The following ENAH variants were observed in gnomAD, a reference collection of about 807,000 sequenced individuals.
ENAH encodes the protein ENAH actin regulator.
ENAH carries 23 observed loss-of-function variants against 78.7 expected under a neutral mutation model. That is an observed-to-expected ratio of 0.29 (90% CI 0.21 to 0.41). The LOEUF is 0.41. Ranked by LOEUF, ENAH falls within the 10% of genes least tolerant of loss-of-function variation. The pLI, the probability that ENAH is intolerant of heterozygous loss-of-function variation, is 1.00. For synonymous variants in ENAH, 226 were observed against 241.0 expected (o/e 0.94, Z 0.58); for missense variants, 544 against 691.0 (o/e 0.79, Z 2.39).
chr1:225,555,498 C>T (rs566301631), intron 2 of ENAH, among the ~76,000 whole-genome samples: 9 of 151,596 alleles, frequency 5.9e-5, no homozygotes, highest in East Asian at 5.8e-4. Context: ...AAGAAAATGG[C>T]GTGAATCCAG....
intron 1 of ENAH, among the ~76,000 whole-genome samples, chr1:225,593,389 C>G (rs1352416159): frequency 1.0e-4 from 2 of 20,040 alleles, no homozygotes; most frequent in Admixed American, 8.3e-4. Flanking sequence ...CAGCCTGCCC[C>G]TGTGTGTGTG....
intron 1 of ENAH, among the ~76,000 whole-genome samples, chr1:225,620,520 A>T (rs747622987): frequency 3.3e-5 from 5 of 151,946 alleles, no homozygotes; most frequent in Non-Finnish European, 5.9e-5. Context: ...ATAAGAGCAA[A>T]ACTGTCTCAA....
intron 1 of ENAH, among the ~76,000 whole-genome samples, chr1:225,619,589 T>C (rs1656432695): frequency 6.6e-6 from 1 of 152,094 alleles, no homozygotes; most frequent in Admixed American, 6.6e-5. Context: ...CCCACCTCCC[T>C]AGTCTTATTT....
At chr1:225,633,739 A>T (rs1336597571) in intron 1 of ENAH, among the ~76,000 whole-genome samples, 1 of 152,180 alleles carries the variant, frequency 6.6e-6, no homozygotes, top group African/African-American at 2.4e-5. Flanking sequence ...TCAACAAATA[A>T]TATCTATTAA....
At chr1:225,535,437 A>G in intron 3 of ENAH, 1 of 1,054,228 alleles carries the variant, frequency 9.5e-7, no homozygotes, top group Non-Finnish European at 1.3e-6. Flanking sequence ...TAAGAAAACA[A>G]AAGTTATGGA....
chr1:225,540,696 T>TA (rs34233856), intron 3 of ENAH, among the ~76,000 whole-genome samples: 4,762 of 139,524 alleles, frequency 0.034, 63 homozygotes, highest in Middle Eastern at 0.099. Flanking sequence ...AACGTTTATT[T>TA]AAAAAAAAAA....
chr1:225,535,451 G>A (rs1296915213), intron 3 of ENAH: 1 of 1,144,142 alleles, frequency 8.7e-7, no homozygotes, highest in East Asian at 5.9e-5. Flanking sequence ...TTATGGAAAT[G>A]CGCAAGTAGC....
At chr1:225,501,108 T>C in intron 11 of ENAH, 38 bp from the exon 12 acceptor site, 1 of 1,496,382 alleles carries the variant, frequency 6.7e-7, no homozygotes, top group Non-Finnish European at 9.3e-7. Context: ...TAAACAACAT[T>C]CTTAATACTT....
At chr1:225,579,066 C>T (rs756816942) in intron 1 of ENAH, among the ~76,000 whole-genome samples, 28 of 152,064 alleles carry the variant, frequency 1.8e-4, no homozygotes, top group Non-Finnish European at 1.8e-4. Flanking sequence ...TGGTAGGTAC[C>T]GTTAATATCC....
intron 1 of ENAH, among the ~76,000 whole-genome samples, chr1:225,620,532 A>G (rs955330264): frequency 1.3e-5 from 2 of 152,030 alleles, no homozygotes; most frequent in African/African-American, 4.8e-5. Context: ...CTGTCTCAAA[A>G]ATGTCCCAGG....
At chr1:225,558,425 A>G (rs544445883) in intron 2 of ENAH, among the ~76,000 whole-genome samples, 4 of 152,264 alleles carry the variant, frequency 2.6e-5, no homozygotes, top group African/African-American at 7.2e-5. Context: ...GAATTTCTAC[A>G]TCTACATTTT....
chr1:225,555,277 G>A (rs2096660606), intron 2 of ENAH, among the ~76,000 whole-genome samples, 194 bp from the exon 3 acceptor site: 1 of 152,010 alleles, frequency 6.6e-6, no homozygotes, highest in African/African-American at 2.4e-5. Context: ...GATTACAAAG[G>A]TCTGCCATAA....
At chr1:225,536,016 T>A (rs2096559825) in intron 3 of ENAH, among the ~76,000 whole-genome samples, 1 of 152,090 alleles carries the variant, frequency 6.6e-6, no homozygotes, top group Admixed American at 6.6e-5. Context: ...ATTAACTCAT[T>A]CCTACTAGTT....
chr1:225,573,662 TG>T (rs1158338678), intron 1 of ENAH, among the ~76,000 whole-genome samples: 1 of 152,112 alleles, frequency 6.6e-6, no homozygotes, highest in Admixed American at 6.6e-5. Flanking sequence ...GCACTGGGGA[TG>T]TATGTTGCAA....
At chr1:225,521,453 C>T (rs1452850088) in intron 4 of ENAH, among the ~76,000 whole-genome samples, 1 of 151,780 alleles carries the variant, frequency 6.6e-6, no homozygotes, top group African/African-American at 2.4e-5. Flanking sequence ...CTAGCTTGGC[C>T]AACATGGTGG....
At chr1:225,573,769 A>G (rs886576569) in intron 1 of ENAH, among the ~76,000 whole-genome samples, 1 of 152,172 alleles carries the variant, frequency 6.6e-6, no homozygotes, top group Admixed American at 6.5e-5. Context: ...TTTTAATGAT[A>G]CTCCCAGTTA....
rs1274120942 is a variant in ENAH, at chr1:225,494,840, C to T, written c.*2935G>A. Reference sequence around the variant, plus strand: ...ATATATACTGCAATTTTATTTCAATCGCACAAACGAAGTTAGCGTGTAGGA... The same window carrying T: ...ATATATACTGCAATTTTATTTCAATTGCACAAACGAAGTTAGCGTGTAGGA... On this transcript the variant is annotated 3_prime_UTR_variant, in exon 14 of 14. Transcript: ENST00000366843. 2.0e-5 allele frequency: 3 copies of T among 152,554 alleles called. No homozygotes were observed. Among genetic ancestry groups the T allele is most frequent in the African/African-American group, 4.8e-5 (2 of 41,420 alleles). The allele number at this position is 152,554 out of a possible 1,614,324, so 9.5% of individuals were successfully genotyped here. A position where few individuals can be genotyped will look rare whatever the true frequency, so the allele number is the denominator to read the frequency against.
chr1:225,576,550 C>T (rs1021111615), intron 1 of ENAH, among the ~76,000 whole-genome samples: 1 of 152,156 alleles, frequency 6.6e-6, no homozygotes, highest in Non-Finnish European at 1.5e-5. Flanking sequence ...AAAGCTGAAA[C>T]GTCATTATCT....
At chr1:225,571,982 A>G (rs1409006186) in intron 1 of ENAH, among the ~76,000 whole-genome samples, 3 of 152,176 alleles carry the variant, frequency 2.0e-5, no homozygotes, top group African/African-American at 7.2e-5. Context: ...TCATTCTAGC[A>G]AATTATCAAA....
Sources: allele counts gnomAD v4.1 joint callset (sites outside exome capture counted in the v4.1 genomes callset), GRCh38; gene constraint gnomAD v4.1.1; transcripts MANE v1.5; gene names NCBI Gene and HGNC (gene_info 2026-07-23, HGNC 2026-07-21).